The following AFF3 variants were observed in gnomAD, a reference collection of about 807,000 sequenced individuals.
The protein encoded by AFF3 is ALF transcription elongation factor 3.
A neutral mutation model predicts 129.7 loss-of-function variants in AFF3; 32 were observed. That is an observed-to-expected ratio of 0.25 (90% confidence interval 0.19 to 0.33). The LOEUF is 0.33. AFF3 is among the 10% of genes least tolerant of loss of function. The probability of loss-of-function intolerance (pLI) is 1.00; values close to 1 mark genes in which losing one functional copy is unlikely to be tolerated. For missense variants in AFF3, 1,373 were observed against 1,592.0 expected, an observed-to-expected ratio of 0.86 and a Z score of 2.34; for synonymous variants, 644 against 635.4, an observed-to-expected ratio of 1.01 and a Z score of -0.20.
chr2:99,851,596 C>G (rs570176751), intron 7 of AFF3, among the ~76,000 whole-genome samples: 5 of 152,196 alleles, frequency 3.3e-5, no homozygotes, highest in African/African-American at 1.2e-4. Context: ...AAGACCCTCA[C>G]TTTTTAGATC....
chr2:99,695,938 G>GAAAAAAAAAAAAAAA (rs10719354), intron 11 of AFF3, among the ~76,000 whole-genome samples: 14 of 57,650 alleles, frequency 2.4e-4, no homozygotes, highest in South Asian at 9.2e-4. Flanking sequence ...CTGGAAAAAT[G>GAAAAAAAAAAAAAAA]AAAAAAAAAA....
In AFF3 at chr2:99,752,271, T is replaced by G; in HGVS notation, c.952A>C (p.Ile318Leu). ...GGTTCCACTTTGCCAGGTGCTTGAA[T>G]AGCAGAAAGTGGTGGAAGCCAGGTC... is the stretch of plus-strand genomic sequence containing the variant. ...EMTWLPPLSA[I>L]QAPGKVEPTK... The change falls in exon 9 of 25, where the codon ATT becomes CTT. Residue 318 changes from isoleucine (I) to leucine (L), a missense_variant. Physicochemically the swap from Ile to Leu is conservative, Grantham distance 5. This residue lies in a region of AFF3 where 413 missense variants were observed against 424.4 expected (regional missense o/e 0.97). Coordinates refer to ENST00000672756, the MANE Select transcript of AFF3 (RefSeq NM_001386135.1). 1 of 1,614,032 alleles carries G rather than the reference T, an allele frequency of 6.2e-7. No individual in the cohort carries two copies. The highest frequency in any genetic ancestry group is 2.2e-5 in the East Asian group (1 of 44,866).
At chr2:100,016,532 G>T (rs1573127447) in intron 4 of AFF3, among the ~76,000 whole-genome samples, 2 of 151,278 alleles carry the variant, frequency 1.3e-5, no homozygotes, top group African/African-American at 4.9e-5. Flanking sequence ...CGGTAGTGGT[G>T]GTGATGGTGG....
At chr2:99,835,688 CA>C (rs1388726409) in intron 8 of AFF3, among the ~76,000 whole-genome samples, 1 of 152,174 alleles carries the variant, frequency 6.6e-6, no homozygotes, top group Non-Finnish European at 1.5e-5. Context: ...GACTGCTGCT[CA>C]TAGGCTAGGA....
chr2:99,968,753 G>A (rs371718761), intron 7 of AFF3, among the ~76,000 whole-genome samples: 19 of 152,284 alleles, frequency 1.2e-4, no homozygotes, highest in African/African-American at 4.6e-4. Flanking sequence ...TGTCATAAAA[G>A]GCATGGGCAG....
At chr2:99,773,452 C>T (rs576020849) in intron 8 of AFF3, among the ~76,000 whole-genome samples, 118 of 149,836 alleles carry the variant, frequency 7.9e-4, no homozygotes, top group Non-Finnish European at 1.4e-3. Flanking sequence ...TCTTTTATTA[C>T]TAAAATGCTT....
chr2:100,041,843 G>C (rs1352380587), intron 4 of AFF3, among the ~76,000 whole-genome samples: 1 of 152,104 alleles, frequency 6.6e-6, no homozygotes, highest in Non-Finnish European at 1.5e-5. Flanking sequence ...ATCATCACAA[G>C]TACACAGGCT....
At chr2:99,576,666 A>C (rs1212353341) in intron 18 of AFF3, among the ~76,000 whole-genome samples, 1 of 152,168 alleles carries the variant, frequency 6.6e-6, no homozygotes, top group Non-Finnish European at 1.5e-5. Context: ...GTGTGTATAT[A>C]CCATGCTCTC....
In AFF3 at chr2:100,007,169, A is replaced by C. The variant is rs1364302331; in HGVS notation, c.466T>G (p.Ser156Ala). The C allele has an allele frequency of 6.2e-7, 1 of 1,614,040 alleles. No homozygotes were observed. The highest frequency in any genetic ancestry group is 2.2e-5 in the East Asian group (1 of 44,888). ...MGWQKAGHPP[S>A]DGQQRATQQG... ...TTACTTGCTCTCTGTTGGCCGTCAGAGGGTGGGTGCCCAGCCTTCTGCCAG... is the reference window on the plus strand; with the variant it reads ...TTACTTGCTCTCTGTTGGCCGTCAGCGGGTGGGTGCCCAGCCTTCTGCCAG... The change falls in exon 6 of 25, where the codon TCT becomes GCT. Residue 156 changes from serine to alanine, a missense_variant. Physicochemically the swap from Ser to Ala is moderately conservative, Grantham distance 99. Around this residue, in one of 9 missense-constraint regions of AFF3, gnomAD observed 255 missense variants for 256.0 expected, o/e 1.00. Coordinates refer to ENST00000672756, the MANE Select transcript of AFF3 (RefSeq NM_001386135.1).
At chr2:99,962,460 T>C (rs1363685033) in intron 7 of AFF3, among the ~76,000 whole-genome samples, 1 of 152,158 alleles carries the variant, frequency 6.6e-6, no homozygotes, top group Non-Finnish European at 1.5e-5. Flanking sequence ...AGTGTTAAAA[T>C]GATGACACAA....
intron 11 of AFF3, among the ~76,000 whole-genome samples, chr2:99,702,482 G>A (rs1009592545): frequency 6.6e-6 from 1 of 152,132 alleles, no homozygotes; most frequent in Admixed American, 6.6e-5. Flanking sequence ...TGGGATTACA[G>A]GTGTGGGCCA....
intron 7 of AFF3, among the ~76,000 whole-genome samples, chr2:99,888,124 C>T (rs1163707551): frequency 7.1e-4 from 108 of 152,090 alleles, no homozygotes; most frequent in Admixed American, 7.0e-3. Context: ...TTTCATCATC[C>T]CCAAGAAAGA....
intron 7 of AFF3, among the ~76,000 whole-genome samples, chr2:99,890,731 C>T (rs1384882282): frequency 6.6e-6 from 1 of 152,124 alleles, no homozygotes; most frequent in African/African-American, 2.4e-5. Flanking sequence ...CCACTTCTGT[C>T]TGGGCACAGT....
chr2:99,824,607 T>A (rs897295716), intron 8 of AFF3, among the ~76,000 whole-genome samples: 2 of 152,350 alleles, frequency 1.3e-5, no homozygotes, highest in African/African-American at 4.8e-5. Context: ...CTTGCATACA[T>A]AGGTGTACCT....
intron 7 of AFF3, among the ~76,000 whole-genome samples, chr2:99,905,382 AC>A (rs1694639037): frequency 6.6e-6 from 1 of 151,938 alleles, no homozygotes; most frequent in Non-Finnish European, 1.5e-5. Context: ...AAGGATGGTC[AC>A]CCATGAGCCT....
At chr2:100,108,468 G>A (rs757063498) in intron 2 of AFF3, among the ~76,000 whole-genome samples, 6 of 152,024 alleles carry the variant, frequency 3.9e-5, no homozygotes, top group African/African-American at 7.2e-5. Context: ...GACCATCTCC[G>A]CCTTGGGCTC....
intron 16 of AFF3, among the ~76,000 whole-genome samples, chr2:99,585,062 C>T (rs969181223): frequency 6.6e-6 from 1 of 152,176 alleles, no homozygotes; most frequent in African/African-American, 2.4e-5. Flanking sequence ...CGCAAAAGTG[C>T]TTTGGGAGAA....
Position 99,565,570 on chromosome 2 carries a change from G to T in AFF3, c.3036C>A (p.Ile1012=). 1.2e-6 allele frequency: 2 copies of T among 1,614,110 alleles called. No individual in the cohort carries two copies. Among genetic ancestry groups the T allele is most frequent in the South Asian group, 2.2e-5 (2 of 91,080 alleles). ...CTTGTTCCATTGCATTTCCACACTC[G>T]ATAAACGACAATGCTGCTTCAGCAT... is the stretch of plus-strand genomic sequence containing the variant. The part of the protein sequence containing the change: ...LNYAEAALSF[I]ECGNAMEQGP... Residue 1012 remains isoleucine (I), a synonymous_variant, in exon 20 of 25, where the codon ATC becomes ATA. Coordinates refer to ENST00000672756, the MANE Select transcript of AFF3 (RefSeq NM_001386135.1).
intron 10 of AFF3, among the ~76,000 whole-genome samples, chr2:99,731,195 T>C (rs1558794963): frequency 1.3e-5 from 2 of 152,172 alleles, no homozygotes; most frequent in African/African-American, 2.4e-5. Flanking sequence ...TGGCCTCAAG[T>C]AATCTGCCCT....
Sources: gnomAD v4.1 joint callset for allele counts (sites outside exome capture counted in the v4.1 genomes callset) on GRCh38, gnomAD v4.1.1 for gene constraint, gnomAD v4.1.1 regional missense constraint, MANE v1.5 for transcripts, NCBI Gene and HGNC (gene_info 2026-07-23, HGNC 2026-07-21) for gene names.